PITPNM2: variants seen among roughly 807,000 people sequenced by gnomAD.
PITPNM2 encodes phosphatidylinositol transfer protein membrane associated 2.
A neutral mutation model predicts 132.2 loss-of-function variants in PITPNM2; 35 were observed. The observed-to-expected ratio is 0.26, with a 90% CI of 0.20 to 0.35. The LOEUF is 0.35. PITPNM2 is among the 10% of genes least tolerant of loss of function. The pLI is 1.00. For synonymous variants in PITPNM2, 738 were observed against 799.2 expected (o/e 0.92, Z 1.29); for missense variants, 1,332 against 1,912.0 (o/e 0.70, Z 5.66).
chr12:123,142,655 T>C (rs968952234), intron 1 of PITPNM2, among the ~76,000 whole-genome samples: 1 of 152,196 alleles, frequency 6.6e-6, no homozygotes, highest in Non-Finnish European at 1.5e-5. Context: ...AATTGAAATA[T>C]GCTGCAACAA....
chr12:123,136,257 G>A (rs561113279), intron 1 of PITPNM2, among the ~76,000 whole-genome samples: 151 of 151,392 alleles, frequency 1.0e-3, no homozygotes, highest in Middle Eastern at 3.4e-3. Flanking sequence ...AGCCGAGATC[G>A]CACCACTGCA....
intron 2 of PITPNM2, among the ~76,000 whole-genome samples, chr12:123,052,917 T>C (rs143269082): frequency 1.8e-3 from 270 of 152,106 alleles, no homozygotes; most frequent in Non-Finnish European, 3.5e-3. Flanking sequence ...TTTTTAACTC[T>C]GCACCCCAGC....
At chr12:123,070,867 GACGTGT>G (rs2041603444) in intron 2 of PITPNM2, among the ~76,000 whole-genome samples, 2 of 152,232 alleles carry the variant, frequency 1.3e-5, no homozygotes, top group African/African-American at 2.4e-5. Context: ...AGAATGCCGT[GACGTGT>G]GACTCATGTT....
intron 2 of PITPNM2, 71 bp from the exon 3 acceptor site, chr12:123,034,756 A>ATCAACAAACAGCCACGGGG (rs1347544466): frequency 1.6e-6 from 1 of 633,622 alleles, no homozygotes; most frequent in Non-Finnish European, 2.8e-6. Flanking sequence ...AGCACAGAGG[A>ATCAACAAACAGCCACGGGG]AAGGCCCGGT....
At chr12:123,072,036 T>G (rs1000986454) in intron 2 of PITPNM2, among the ~76,000 whole-genome samples, 3 of 152,112 alleles carry the variant, frequency 2.0e-5, no homozygotes, top group Non-Finnish European at 4.4e-5. Context: ...CATTCCCCAT[T>G]CTCTGTCTGC....
At chr12:123,056,880 T>C (rs2041047223) in intron 2 of PITPNM2, among the ~76,000 whole-genome samples, 1 of 152,056 alleles carries the variant, frequency 6.6e-6, no homozygotes, top group Non-Finnish European at 1.5e-5. Context: ...GAGGTGGCAG[T>C]TCACTGAGGT....
Position 122,992,398 on chromosome 12 carries a change from C to G in PITPNM2, c.2404+101G>C, listed in dbSNP as rs1437573347. 1.5e-6 allele frequency: 2 copies of G among 1,333,612 alleles called. No individual in the cohort carries two copies. The highest frequency in any genetic ancestry group is 2.0e-6 in the Non-Finnish European group (2 of 1,002,538). 82.6% of individuals were successfully genotyped at this position (1,333,612 alleles called of 1,614,324 possible). Reference sequence around the variant, plus strand: ...GAGGCATTCAGCACAAGCTGTCCCTCTCACCTGGGGAAGAACCACGTAGCA... The same window carrying G: ...GAGGCATTCAGCACAAGCTGTCCCTGTCACCTGGGGAAGAACCACGTAGCA... On this transcript the variant is annotated intron_variant, in intron 16 of 25. Transcript: ENST00000320201. This position sits in a 1 kb window ranked among gnomAD's most constrained non-coding sequence, Gnocchi z 6.5.
rs775700569 is a variant in PITPNM2, at chr12:123,004,497, G to A, written c.953-8C>T. ...TGTGGCGGGAAGGACTCGCTGGAAG[G>A]CAAAACCCCAGATTGACCGCCAACT... On this transcript the variant is annotated splice_region_variant and splice_polypyrimidine_tract_variant and intron_variant, in intron 7 of 25. Transcript: ENST00000320201. The surrounding 1 kb of genome is among the most constrained non-coding windows in gnomAD (Gnocchi z 4.9). The A allele has an allele frequency of 4.3e-6, 7 of 1,613,406 alleles. No individual in the cohort carries two copies. The South Asian group carries it at 7.7e-5, about 18-fold the overall frequency.
rs1000643913 is a variant in PITPNM2, at chr12:122,995,771, C to G, written c.1783-111G>C. 1.3e-5 allele frequency: 18 copies of G among 1,393,990 alleles called. No homozygotes were observed. The African/African-American group carries it at 2.0e-4, about 16-fold the overall frequency. 86.4% of individuals were successfully genotyped at this position (1,393,990 alleles called of 1,614,324 possible). On this transcript the variant is annotated intron_variant, in intron 13 of 25. Coordinates refer to ENST00000320201, the MANE Select transcript of PITPNM2 (RefSeq NM_020845.3). The stretch of plus-strand genomic sequence containing the variant: ...TAACCCCAGGCCAAGCGGCCACTGT[C>G]CAGCCGGCCTCTTGCCAAACCAGAG...
intron 3 of PITPNM2, among the ~76,000 whole-genome samples, chr12:123,018,128 G>A (rs1375363190): frequency 1.3e-5 from 2 of 148,634 alleles, no homozygotes; most frequent in Non-Finnish European, 3.0e-5. Context: ...GGAGGGCACT[G>A]GCATGATCAC....
intron 3 of PITPNM2, among the ~76,000 whole-genome samples, chr12:123,019,600 C>T (rs61955217): frequency 0.019 from 2,956 of 152,286 alleles, 68 homozygotes; most frequent in Non-Finnish European, 0.024. Flanking sequence ...TCTCTCCCTC[C>T]AGGAAAGCCG....
intron 23 of PITPNM2, 132 bp from the exon 24 acceptor site, chr12:122,986,961 T>C (rs1035491142): frequency 5.0e-6 from 6 of 1,204,394 alleles, no homozygotes; most frequent in Non-Finnish European, 6.8e-6. Context: ...ACGACGACAA[T>C]GGTTGACAAT....
intron 1 of PITPNM2, among the ~76,000 whole-genome samples, chr12:123,127,390 T>G (rs1346630881): frequency 1.3e-5 from 2 of 152,160 alleles, no homozygotes; most frequent in Non-Finnish European, 2.9e-5. Flanking sequence ...CAAACAGGTG[T>G]TAGAGGTGCT....
chr12:123,074,926 G>C (rs2041736366), intron 2 of PITPNM2, among the ~76,000 whole-genome samples: 1 of 152,216 alleles, frequency 6.6e-6, no homozygotes, highest in Non-Finnish European at 1.5e-5. Flanking sequence ...GCATAAAAAG[G>C]ACAGCTGTCT....
Position 123,095,562 on chromosome 12 carries a change from AAT to A in PITPNM2, c.-96+14821_-96+14822del, listed in dbSNP as rs1347175891. Among the ~76,000 whole-genome samples, 1 of 152,024 alleles carries A rather than the reference AAT, an allele frequency of 6.6e-6. No homozygotes were observed. Among genetic ancestry groups the A allele is most frequent in the African/African-American group, 2.4e-5 (1 of 41,382 alleles). On this transcript the variant is annotated intron_variant, in intron 2 of 25. Coordinates refer to ENST00000320201, the MANE Select transcript of PITPNM2 (RefSeq NM_020845.3). The surrounding 1 kb of genome is among the most constrained non-coding windows in gnomAD (Gnocchi z 5.0). The stretch of plus-strand genomic sequence containing the variant: ...GATGAAGTGAGACGAAGTGTCTTCC[AAT>A]ACACACATCGGAGTGTGTCACTTCT...
At chr12:123,096,536 G>A (rs994096550) in intron 2 of PITPNM2, among the ~76,000 whole-genome samples, 1 of 152,162 alleles carries the variant, frequency 6.6e-6, no homozygotes, top group African/African-American at 2.4e-5. Flanking sequence ...AGGGGGGCGA[G>A]GAATGAGAGA....
chr12:123,138,290 A>AG (rs2043426427), intron 1 of PITPNM2, among the ~76,000 whole-genome samples: 1 of 151,978 alleles, frequency 6.6e-6, no homozygotes, highest in African/African-American at 2.4e-5. Flanking sequence ...CTGCAAAAAA[A>AG]TACAAAAATT....
In PITPNM2 at chr12:123,008,129, C is replaced by G. The variant is rs1489666392; in HGVS notation, c.643+1721G>C. On this transcript the variant is annotated intron_variant, in intron 6 of 25. Transcript: ENST00000320201. This position sits in a 1 kb window ranked among gnomAD's most constrained non-coding sequence, Gnocchi z 4.1. ...CAGAGCCACTACGTGTGAGTCAGGC[C>G]TGGACTCTAAAGTTGTCTTCTTTCT... 6.6e-6 allele frequency among the ~76,000 whole-genome samples: 1 copy of G among 152,226 alleles called. No individual in the cohort carries two copies. Among genetic ancestry groups the G allele is most frequent in the Non-Finnish European group, 1.5e-5 (1 of 68,042 alleles).
At chr12:122,989,434 A>G (rs569600162) in intron 18 of PITPNM2, among the ~76,000 whole-genome samples, 6 of 152,168 alleles carry the variant, frequency 3.9e-5, no homozygotes, top group Non-Finnish European at 7.4e-5. Flanking sequence ...GGGCGAGGAC[A>G]ACCTTCCTGA....
Sources: gnomAD v4.1 joint callset for allele counts (sites outside exome capture counted in the v4.1 genomes callset) on GRCh38, gnomAD v4.1.1 for gene constraint, Gnocchi (gnomAD v3.1) non-coding constraint, MANE v1.5 for transcripts, NCBI Gene and HGNC (gene_info 2026-07-23, HGNC 2026-07-21) for gene names.